PALM2AKAP2: variants seen among roughly 807,000 people sequenced by gnomAD.
PALM2AKAP2 encodes PALM2 and AKAP2 fusion.
In PALM2AKAP2, 37 loss-of-function variants were observed where a neutral mutation model predicts 71.5. That is an observed-to-expected ratio of 0.52 (90% CI 0.40 to 0.68). The LOEUF is 0.68. Among genes scored for constraint, PALM2AKAP2 ranks in the 30% least tolerant of loss-of-function variants. The pLI is 0.00. For synonymous variants in PALM2AKAP2, 468 were observed against 478.8 expected, an observed-to-expected ratio of 0.98 and a Z score of 0.29; for missense variants, 1,224 against 1,191.8, an observed-to-expected ratio of 1.03 and a Z score of -0.40.
intron 1 of PALM2AKAP2, among the ~76,000 whole-genome samples, chr9:110,096,065 A>G (rs979045995): frequency 1.3e-5 from 2 of 152,186 alleles, no homozygotes; most frequent in African/African-American, 4.8e-5. Flanking sequence ...CTATGTATGG[A>G]GGGTGAGGTG....
chr9:109,918,853 C>T (rs1277160196), intron 3 of PALM2AKAP2, among the ~76,000 whole-genome samples: 1 of 152,220 alleles, frequency 6.6e-6, no homozygotes, highest in East Asian at 1.9e-4. Context: ...TGGGTTGAAA[C>T]TCAGTTGTTG....
At chr9:109,741,795 G>C (rs2118686269) in intron 1 of PALM2AKAP2, among the ~76,000 whole-genome samples, 1 of 152,328 alleles carries the variant, frequency 6.6e-6, no homozygotes, top group South Asian at 2.1e-4. Context: ...TGTGAATGCT[G>C]TAAGGTGGAG....
At chr9:110,164,470 A>T (rs927232414) in intron 3 of PALM2AKAP2, among the ~76,000 whole-genome samples, 2 of 151,784 alleles carry the variant, frequency 1.3e-5, no homozygotes, top group African/African-American at 4.8e-5. Flanking sequence ...TTTATTCCCT[A>T]CCAGACCTGA....
Position 109,800,127 on chromosome 9 carries a change from C to A in PALM2AKAP2, c.45+19594C>A, listed in dbSNP as rs192254971. On this transcript the variant is annotated intron_variant, in intron 1 of 9. Coordinates refer to the PALM2AKAP2 transcript ENST00000302798. ...TTTATCACCTGATTGTTACCCAGCACCTCCCATGTGCCAGTATAAGGTTTA... is the reference window on the plus strand; with the variant it reads ...TTTATCACCTGATTGTTACCCAGCAACTCCCATGTGCCAGTATAAGGTTTA... 4.1e-3 allele frequency among the ~76,000 whole-genome samples: 628 copies of A among 152,288 alleles called. 3 individuals carry two copies. The highest frequency in any genetic ancestry group is 0.022 in the South Asian group (104 of 4,824).
intron 3 of PALM2AKAP2, among the ~76,000 whole-genome samples, chr9:110,165,248 TAAAC>T (rs2119274609): frequency 6.7e-6 from 1 of 150,094 alleles, no homozygotes; most frequent in South Asian, 2.1e-4. Context: ...TATGCAGTAA[TAAAC>T]AAGTAATAAA....
chr9:109,685,324 A>G (rs1827792674), intron 1 of PALM2AKAP2, among the ~76,000 whole-genome samples: 1 of 152,206 alleles, frequency 6.6e-6, no homozygotes, highest in African/African-American at 2.4e-5. Flanking sequence ...TACCTTGAAA[A>G]AGCCGATTTT....
At chr9:109,988,610 C>T (rs55713849) in intron 6 of PALM2AKAP2, among the ~76,000 whole-genome samples, 7 of 53,468 alleles carry the variant, frequency 1.3e-4, no homozygotes, top group Admixed American at 2.8e-4. Flanking sequence ...AAGGAAGGAA[C>T]GAAGGAAGGA....
exon 4 of PALM2AKAP2, chr9:110,170,224 C>CA (rs1357139274): frequency 3.3e-5 from 5 of 152,338 alleles, no homozygotes; most frequent in African/African-American, 4.8e-5. Context: ...AAAAAATAAA[C>CA]AGCCTTCTTT....
intron 1 of PALM2AKAP2, among the ~76,000 whole-genome samples, chr9:109,684,950 T>C (rs988926256): frequency 2.6e-5 from 4 of 152,138 alleles, no homozygotes; most frequent in African/African-American, 9.7e-5. Flanking sequence ...ATCCGTACAA[T>C]AAAATGTTAC....
intron 1 of PALM2AKAP2, among the ~76,000 whole-genome samples, chr9:109,816,947 C>T (rs1049671685): frequency 2.6e-5 from 4 of 152,210 alleles, no homozygotes; most frequent in South Asian, 2.1e-4. Context: ...TGTCTGGAGG[C>T]GGTACAAATA....
At chr9:110,061,910 T>C (rs1833973782) in intron 1 of PALM2AKAP2, among the ~76,000 whole-genome samples, 1 of 149,574 alleles carries the variant, frequency 6.7e-6, no homozygotes, top group Non-Finnish European at 1.5e-5. Flanking sequence ...ACACAGCTAG[T>C]GGCAAAGCCA....
intron 1 of PALM2AKAP2, among the ~76,000 whole-genome samples, chr9:110,104,400 C>T (rs1835068383): frequency 6.6e-6 from 1 of 152,092 alleles, no homozygotes; most frequent in Non-Finnish European, 1.5e-5. Context: ...CTCTGCATTC[C>T]CAATACATAC....
At chr9:110,058,433 T>C (rs564787420) in intron 1 of PALM2AKAP2, among the ~76,000 whole-genome samples, 5 of 152,208 alleles carry the variant, frequency 3.3e-5, no homozygotes, top group Non-Finnish European at 7.3e-5. Flanking sequence ...TTCCCAATCC[T>C]GCCTGGCAAC....
intron 6 of PALM2AKAP2, among the ~76,000 whole-genome samples, chr9:109,985,549 G>T (rs1007749755): frequency 6.6e-6 from 1 of 151,462 alleles, no homozygotes; most frequent in Admixed American, 6.6e-5. Flanking sequence ...GAACCTGGGG[G>T]GTGGAGCTTG....
rs188301892 is a variant in PALM2AKAP2 at position 109,703,485 on chromosome 9, T to C, written c.5+62619T>C. 4.6e-5 allele frequency among the ~76,000 whole-genome samples: 7 copies of C among 152,318 alleles called. No individual in the cohort carries two copies. The East Asian group carries it at 1.2e-3, about 25-fold the overall frequency. On this transcript the variant is annotated intron_variant, in intron 1 of 6. Coordinates refer to the PALM2AKAP2 transcript ENST00000374531. ...ATTCTATTATGTCCTGAAAATGTCT[T>C]ACAGTGGTATTTTATAATGGCAAAA...
At chr9:109,932,823 A>G (rs1474834285) in intron 6 of PALM2AKAP2, among the ~76,000 whole-genome samples, 2 of 152,222 alleles carry the variant, frequency 1.3e-5, no homozygotes, top group African/African-American at 4.8e-5. Context: ...TTCAAATATG[A>G]GTATCAGATT....
At chr9:110,132,008 C>T (rs1040314544) in intron 1 of PALM2AKAP2, among the ~76,000 whole-genome samples, 4 of 150,662 alleles carry the variant, frequency 2.7e-5, no homozygotes, top group African/African-American at 9.8e-5. Flanking sequence ...AACCCCCAAA[C>T]TTTGACTTTT....
At chr9:109,829,133 A>T (rs567939592) in intron 1 of PALM2AKAP2, among the ~76,000 whole-genome samples, 12 of 152,366 alleles carry the variant, frequency 7.9e-5, no homozygotes, top group African/African-American at 2.9e-4. Flanking sequence ...AATTTTTAAG[A>T]TAGTGAAAAT....
At position 109,672,343 on chromosome 9, in the gene PALM2AKAP2, GTATC is replaced by G. The variant is rs1827585945; in HGVS notation, c.5+31481_5+31484del. Among the ~76,000 whole-genome samples, 3 of 152,180 alleles carry G rather than the reference GTATC, an allele frequency of 2.0e-5. No homozygotes were observed. The South Asian group carries it at 6.2e-4, about 32-fold the overall frequency. Reference sequence around the variant, plus strand: ...GTTGAATTTTATCAAAAGCCTTTCTGTATCTATTGAGATAATAATGCGGTTTTTG... The same window carrying G: ...GTTGAATTTTATCAAAAGCCTTTCTGTATTGAGATAATAATGCGGTTTTTG... On this transcript the variant is annotated intron_variant, in intron 1 of 6. Coordinates refer to the PALM2AKAP2 transcript ENST00000374531.
Sources: allele counts gnomAD v4.1 joint callset (sites outside exome capture counted in the v4.1 genomes callset), GRCh38; gene constraint gnomAD v4.1.1; transcripts MANE v1.5; gene names NCBI Gene and HGNC (gene_info 2026-07-23, HGNC 2026-07-21).